Variants in FIP1L1 observed in about 807,000 individuals in gnomAD.
The protein encoded by FIP1L1 is pre-mRNA 3'-end-processing factor FIP1.
FIP1L1 carries 21 observed loss-of-function variants against 84.6 expected under a neutral mutation model. That is an observed-to-expected ratio of 0.25 (90% CI 0.18 to 0.36). The LOEUF (loss-of-function observed/expected upper bound fraction) is 0.36. Ranked by LOEUF, FIP1L1 falls within the 10% of genes least tolerant of loss-of-function variation. FIP1L1 has a pLI of 1.00. For missense variants in FIP1L1, 526 were observed against 751.1 expected (o/e 0.70, Z 3.50); for synonymous variants, 263 against 242.3 (o/e 1.09, Z -0.80).
At chr4:53,411,387 C>G (rs1318824766) in intron 10 of FIP1L1, among the ~76,000 whole-genome samples, 1 of 152,144 alleles carries the variant, frequency 6.6e-6, no homozygotes. Flanking sequence ...ACGTAAAGGA[C>G]AGTAGCCACA....
At chr4:53,379,001 GA>G in intron 1 of FIP1L1, 71 bp from the exon 2 acceptor site, 1 of 1,464,488 alleles carries the variant, frequency 6.8e-7, no homozygotes, top group South Asian at 1.2e-5. Context: ...AGTAAAGTCT[GA>G]TTTTTTTTTC....
chr4:53,391,484 T>G lies in FIP1L1; in HGVS notation c.691T>G (p.Phe231Val). The G allele has an allele frequency of 6.2e-7, 1 of 1,612,778 alleles. No homozygotes were observed. Among genetic ancestry groups the G allele is most frequent in the Non-Finnish European group, 8.5e-7 (1 of 1,178,864 alleles). Residue 231 changes from phenylalanine to valine, a missense_variant, in exon 9 of 18, where the codon TTC (phenylalanine) becomes GTC (valine). Phe to Val is a conservative substitution (Grantham distance 50). Coordinates refer to ENST00000337488, the MANE Select transcript of FIP1L1 (RefSeq NM_030917.4). Reference protein sequence around the residue: ...TPGAEIQDGRFNLFKVQQGRT... With the variant: ...TPGAEIQDGRVNLFKVQQGRT... ...AGGTGCAGAGATCCAAGATGGCAGATTCAATCTTTTTAAGGTGAATTTTAG... is the reference window on the plus strand; with the variant it reads ...AGGTGCAGAGATCCAAGATGGCAGAGTCAATCTTTTTAAGGTGAATTTTAG...
intron 15 of FIP1L1, among the ~76,000 whole-genome samples, chr4:53,450,035 GT>G (rs1327755701): frequency 6.6e-6 from 1 of 151,858 alleles, no homozygotes; most frequent in Non-Finnish European, 1.5e-5. Context: ...CCAACTTTCA[GT>G]TTTTTTCCAT....
At chr4:53,381,758 T>C (rs1464491301) in intron 3 of FIP1L1, among the ~76,000 whole-genome samples, 2 of 68,708 alleles carry the variant, frequency 2.9e-5, no homozygotes, top group African/African-American at 3.8e-5. Flanking sequence ...GCATTCTTTT[T>C]TTTTTTTTTT....
chr4:53,460,676 A>C lies in FIP1L1; in HGVS notation c.*1227A>C. On this transcript the variant is annotated 3_prime_UTR_variant, in exon 18 of 18. Transcript: ENST00000337488. ...TTATTGAATAGAAAAAATATAAACA[A>C]TGTTGTAGAGTAATGAGAAATCCTC... The C allele has an allele frequency of 2.3e-6, 1 of 437,786 alleles. No individual in the cohort carries two copies. Among genetic ancestry groups the C allele is most frequent in the East Asian group, 4.1e-5 (1 of 24,112 alleles). The allele number at this position is 437,786 out of a possible 1,614,324, so 27.1% of individuals were successfully genotyped here.
rs1326224572 is a variant in FIP1L1 at position 53,389,669 on chromosome 4, A to C, written c.333-140A>C. ...ATCTCATCTATACAAAATTTAAAAAATAAAGATAGAAATAAAATGTGTGTC... is the reference window on the plus strand; with the variant it reads ...ATCTCATCTATACAAAATTTAAAAACTAAAGATAGAAATAAAATGTGTGTC... On this transcript the variant is annotated intron_variant, in intron 5 of 17. Coordinates refer to ENST00000337488, the MANE Select transcript of FIP1L1 (RefSeq NM_030917.4). The C allele has an allele frequency of 4.5e-6, 3 of 661,876 alleles. No individual in the cohort carries two copies. In the South Asian group the frequency reaches 5.5e-5, roughly 12 times the overall value. 41.0% of individuals were successfully genotyped at this position (661,876 alleles called of 1,614,324 possible). A position where few individuals can be genotyped will look rare whatever the true frequency, so the allele number is the denominator to read the frequency against.
At chr4:53,394,336 T>G (rs1260227176) in intron 9 of FIP1L1, among the ~76,000 whole-genome samples, 6 of 152,214 alleles carry the variant, frequency 3.9e-5, no homozygotes, top group Non-Finnish European at 8.8e-5. Flanking sequence ...AACGGTGGGC[T>G]GCTAAAATTG....
intron 10 of FIP1L1, among the ~76,000 whole-genome samples, chr4:53,405,513 A>G (rs1342113507): frequency 2.0e-5 from 3 of 150,984 alleles, no homozygotes; most frequent in Non-Finnish European, 4.4e-5. Flanking sequence ...TTCCATATGA[A>G]CTTTAAAGTA....
intron 14 of FIP1L1, 89 bp downstream of exon 14, chr4:53,442,796 T>G (rs1772556674): frequency 2.7e-6 from 2 of 733,208 alleles, no homozygotes; most frequent in African/African-American, 1.8e-5. Context: ...ATATTTAATT[T>G]TATAAACACA....
intron 5 of FIP1L1, 80 bp from the exon 6 acceptor site, chr4:53,389,728 GT>G: frequency 9.6e-7 from 1 of 1,045,678 alleles, no homozygotes; most frequent in Non-Finnish European, 1.4e-6. Context: ...TGTATAATTT[GT>G]TTGTACAAAT....
At chr4:53,398,369 G>T (rs1748508954) in intron 9 of FIP1L1, among the ~76,000 whole-genome samples, 3 of 152,152 alleles carry the variant, frequency 2.0e-5, no homozygotes, top group African/African-American at 7.2e-5. Flanking sequence ...TTATATGAGA[G>T]TATCAATTAG....
Position 53,405,334 on chromosome 4 carries a change from T to C in FIP1L1, c.815+5495T>C, listed in dbSNP as rs910621109. ...AGATAGTTGTAGACATGCGGCATTA[T>C]TTCTGAGGGCTCTGTTCTGTTCCAA... On this transcript the variant is annotated intron_variant, in intron 10 of 17. Transcript: ENST00000337488. 1.6e-4 allele frequency among the ~76,000 whole-genome samples: 24 copies of C among 152,274 alleles called. 1 individual carries two copies. The South Asian group carries it at 2.1e-3, about 13-fold the overall frequency.
intron 11 of FIP1L1, among the ~76,000 whole-genome samples, chr4:53,417,578 G>A (rs1209676649): frequency 7.6e-6 from 1 of 131,496 alleles, no homozygotes; most frequent in Admixed American, 9.5e-5. Context: ...GGAGGCGGAG[G>A]TTGCAGTGAG....
intron 11 of FIP1L1, among the ~76,000 whole-genome samples, chr4:53,419,980 G>A (rs1226950357): frequency 6.6e-6 from 1 of 151,510 alleles, no homozygotes; most frequent in Non-Finnish European, 1.5e-5. Flanking sequence ...AGGCCGAGGC[G>A]GGTGGATCAC....
chr4:53,436,987 C>T (rs1366158024), intron 13 of FIP1L1, among the ~76,000 whole-genome samples: 4 of 151,712 alleles, frequency 2.6e-5, no homozygotes, highest in South Asian at 2.1e-4. Flanking sequence ...TTCAGGAGTT[C>T]GAGACCAGCC....
intron 10 of FIP1L1, among the ~76,000 whole-genome samples, chr4:53,411,353 A>T (rs1757133089): frequency 6.6e-6 from 1 of 152,230 alleles, no homozygotes; most frequent in Admixed American, 6.5e-5. Flanking sequence ...AAGTTACCTA[A>T]GTTGTCAATA....
At chr4:53,402,215 A>T (rs1439565193) in intron 10 of FIP1L1, among the ~76,000 whole-genome samples, 1 of 152,210 alleles carries the variant, frequency 6.6e-6, no homozygotes, top group Non-Finnish European at 1.5e-5. Context: ...GACCAGGATC[A>T]TTTTCATTTG....
At chr4:53,401,548 T>TGTTGAGAAG (rs1300510371) in intron 10 of FIP1L1, among the ~76,000 whole-genome samples, 1 of 152,154 alleles carries the variant, frequency 6.6e-6, no homozygotes, top group Admixed American at 6.5e-5. Context: ...GGTGTGGAGA[T>TGTTGAGAAG]GTTGAGAAGT....
intron 13 of FIP1L1, among the ~76,000 whole-genome samples, chr4:53,439,400 A>C (rs1305019261): frequency 6.6e-6 from 1 of 152,068 alleles, no homozygotes; most frequent in African/African-American, 2.4e-5. Flanking sequence ...GGTTAAAATC[A>C]GGTGCTTTGG....
Sources: allele counts gnomAD v4.1 joint callset (sites outside exome capture counted in the v4.1 genomes callset), GRCh38; gene constraint gnomAD v4.1.1; transcripts MANE v1.5; gene names NCBI Gene and HGNC (gene_info 2026-07-23, HGNC 2026-07-21).